NELL1: variants seen among roughly 807,000 people sequenced by gnomAD.
NELL1 encodes the protein neural EGFL like 1.
NELL1 carries 76 observed loss-of-function variants against 107.4 expected under a neutral mutation model. That is an observed-to-expected ratio of 0.71 (90% CI 0.59 to 0.86). The LOEUF is 0.86. Among genes scored for constraint, NELL1 ranks in the 40% least tolerant of loss-of-function variants. The probability of loss-of-function intolerance (pLI) is 0.00; values close to 1 mark genes in which losing one functional copy is unlikely to be tolerated. For missense variants in NELL1, 1,024 were observed against 1,005.5 expected, an observed-to-expected ratio of 1.02 and a Z score of -0.25; for synonymous variants, 353 against 341.2, an observed-to-expected ratio of 1.03 and a Z score of -0.38.
At chr11:20,704,503 G>C (rs1468008745) in intron 2 of NELL1, among the ~76,000 whole-genome samples, 2 of 152,062 alleles carry the variant, frequency 1.3e-5, no homozygotes, top group African/African-American at 2.4e-5. Flanking sequence ...AGCCCATTTA[G>C]ATTTAAGGTC....
intron 12 of NELL1, among the ~76,000 whole-genome samples, chr11:20,982,187 A>G (rs1391706926): frequency 1.3e-5 from 2 of 152,188 alleles, no homozygotes; most frequent in Non-Finnish European, 2.9e-5. Flanking sequence ...GTGAGTAGCC[A>G]GTCCTGAAAC....
At chr11:21,225,161 A>G (rs962157903) in intron 13 of NELL1, among the ~76,000 whole-genome samples, 2 of 152,156 alleles carry the variant, frequency 1.3e-5, no homozygotes, top group African/African-American at 4.8e-5. Context: ...AGGAATATGG[A>G]CATGCAGGGA....
chr11:21,074,330 T>C (rs1854084171), intron 12 of NELL1, among the ~76,000 whole-genome samples: 2 of 152,218 alleles, frequency 1.3e-5, no homozygotes, highest in South Asian at 4.1e-4. Flanking sequence ...AATGCTGTGG[T>C]ACCCAGCTGA....
chr11:20,756,105 C>G (rs894133047), intron 2 of NELL1, among the ~76,000 whole-genome samples: 1 of 151,516 alleles, frequency 6.6e-6, no homozygotes, highest in African/African-American at 2.4e-5. Context: ...TGGTCTCGAT[C>G]TCCTGACCTC....
Position 21,113,466 on chromosome 11 carries a change from A to G in NELL1, c.1301-123A>G, listed in dbSNP as rs1590648728. 4.2e-6 allele frequency: 4 copies of G among 946,044 alleles called. No individual in the cohort carries two copies. In the East Asian group the frequency reaches 7.8e-5, roughly 18 times the overall value. The allele number at this position is 946,044 out of a possible 1,614,324, so 58.6% of individuals were successfully genotyped here. ...ATTTTCACCTAAGCTTTTGTGTTTAATGCATGTTACTTTTTCTCTTGGCTT... is the reference window on the plus strand; with the variant it reads ...ATTTTCACCTAAGCTTTTGTGTTTAGTGCATGTTACTTTTTCTCTTGGCTT... On this transcript the variant is annotated intron_variant, in intron 12 of 19. Coordinates refer to ENST00000357134, the MANE Select transcript of NELL1 (RefSeq NM_006157.5).
intron 15 of NELL1, among the ~76,000 whole-genome samples, chr11:21,468,584 T>TGTCA (rs1411338606): frequency 2.0e-5 from 3 of 152,104 alleles, no homozygotes; most frequent in Non-Finnish European, 4.4e-5. Context: ...AATTTTTGTT[T>TGTCA]GTCATTTCAA....
intron 17 of NELL1, among the ~76,000 whole-genome samples, chr11:21,563,864 C>T (rs1345428624): frequency 6.6e-6 from 1 of 151,790 alleles, no homozygotes; most frequent in Non-Finnish European, 1.5e-5. Context: ...GGAATTTAAT[C>T]AAGTAGAGAT....
At chr11:20,922,932 G>A (rs1850412642) in intron 7 of NELL1, among the ~76,000 whole-genome samples, 1 of 152,100 alleles carries the variant, frequency 6.6e-6, no homozygotes, top group South Asian at 2.1e-4. Context: ...AATAGGTGGT[G>A]GCTGCTGCTG....
chr11:21,514,234 A>T (rs1030229714), intron 15 of NELL1, among the ~76,000 whole-genome samples: 1 of 152,226 alleles, frequency 6.6e-6, no homozygotes. Context: ...ACAATTTAAC[A>T]TTGTCAATTT....
intron 15 of NELL1, among the ~76,000 whole-genome samples, chr11:21,400,089 T>C (rs1347403175): frequency 6.6e-6 from 1 of 151,830 alleles, no homozygotes; most frequent in Non-Finnish European, 1.5e-5. Context: ...CTTTTAATTC[T>C]GTTTTTCCCT....
chr11:21,178,635 C>T (rs1397992895), intron 13 of NELL1, among the ~76,000 whole-genome samples: 10 of 151,192 alleles, frequency 6.6e-5, no homozygotes, highest in Non-Finnish European at 1.5e-4. Context: ...GGTATGACTT[C>T]TGCCTGGAGC....
At chr11:20,864,910 G>T (rs1178509088) in intron 4 of NELL1, among the ~76,000 whole-genome samples, 1 of 152,236 alleles carries the variant, frequency 6.6e-6, no homozygotes, top group African/African-American at 2.4e-5. Context: ...GCTCCTGCCA[G>T]TCCTCCTGTA....
At chr11:20,879,642 T>G (rs1849371069) in intron 4 of NELL1, among the ~76,000 whole-genome samples, 1 of 152,150 alleles carries the variant, frequency 6.6e-6, no homozygotes, top group Admixed American at 6.6e-5. Context: ...GCACACAATC[T>G]TATAAAATGT....
At chr11:20,927,545 A>C in intron 8 of NELL1, 103 bp downstream of exon 8, 1 of 1,181,870 alleles carries the variant, frequency 8.5e-7, no homozygotes, top group Non-Finnish European at 1.2e-6. Flanking sequence ...TAACTCTGAG[A>C]ATTGTTAGGT....
intron 15 of NELL1, among the ~76,000 whole-genome samples, chr11:21,529,509 A>C (rs996806180): frequency 7.9e-5 from 12 of 152,118 alleles, no homozygotes; most frequent in African/African-American, 2.9e-4. Context: ...TACTTGTGAC[A>C]ATTTATGTTG....
At chr11:21,335,652 C>G (rs1271987142) in intron 14 of NELL1, among the ~76,000 whole-genome samples, 1 of 152,056 alleles carries the variant, frequency 6.6e-6, no homozygotes, top group African/African-American at 2.4e-5. Flanking sequence ...TACCTGAAGA[C>G]AGTCAAATAA....
chr11:21,476,154 A>C (rs936366420), intron 15 of NELL1, among the ~76,000 whole-genome samples: 8 of 152,194 alleles, frequency 5.3e-5, no homozygotes, highest in Non-Finnish European at 2.9e-5. Context: ...CATTTGCATT[A>C]AACAGAAGGT....
intron 2 of NELL1, among the ~76,000 whole-genome samples, chr11:20,776,614 G>A (rs972220408): frequency 3.9e-5 from 6 of 152,018 alleles, no homozygotes; most frequent in African/African-American, 1.4e-4. Context: ...GAGAAAACTG[G>A]TCTGAGGAGT....
intron 2 of NELL1, chr11:20,769,633 C>G (rs2133966840): frequency 6.6e-6 from 1 of 152,550 alleles, no homozygotes; most frequent in Admixed American, 6.5e-5. Context: ...AAATCACCCT[C>G]AGCTGGGGTG....
Sources: gnomAD v4.1 joint callset for allele counts (sites outside exome capture counted in the v4.1 genomes callset) on GRCh38, gnomAD v4.1.1 for gene constraint, MANE v1.5 for transcripts, NCBI Gene and HGNC (gene_info 2026-07-23, HGNC 2026-07-21) for gene names.